DOK6: variants seen among roughly 807,000 people sequenced by gnomAD.
DOK6 encodes the protein downstream of tyrosine kinase 6.
In DOK6, 22 loss-of-function variants were observed where a neutral mutation model predicts 44.0. The observed-to-expected ratio is 0.50, with a 90% CI of 0.36 to 0.71. The LOEUF is 0.71. Among genes scored for constraint, DOK6 ranks in the 30% least tolerant of loss-of-function variants. The probability of loss-of-function intolerance (pLI) is 0.00; values close to 1 mark genes in which losing one functional copy is unlikely to be tolerated. For synonymous variants in DOK6, 166 were observed against 145.5 expected, an observed-to-expected ratio of 1.14 and a Z score of -1.01; for missense variants, 340 against 416.4, an observed-to-expected ratio of 0.82 and a Z score of 1.60.
At chr18:69,409,046 G>C (rs577795859) in intron 1 of DOK6, among the ~76,000 whole-genome samples, 4 of 152,000 alleles carry the variant, frequency 2.6e-5, no homozygotes, top group Admixed American at 1.3e-4. Flanking sequence ...GGAGGGACCC[G>C]GTGGGAGGTA....
At chr18:69,627,049 CCTGGGTAAATACTCTCACGCA>C (rs1984572409) in intron 3 of DOK6, among the ~76,000 whole-genome samples, 1 of 152,098 alleles carries the variant, frequency 6.6e-6, no homozygotes, top group Non-Finnish European at 1.5e-5. Flanking sequence ...GCCTTATAGA[CCTGGGTAAATACTCTCACGCA>C]GTGAGACGGG....
At chr18:69,688,799 C>A (rs1986206603) in intron 4 of DOK6, among the ~76,000 whole-genome samples, 1 of 152,072 alleles carries the variant, frequency 6.6e-6, no homozygotes, top group Non-Finnish European at 1.5e-5. Context: ...GGACAATACT[C>A]CTTTTCATAA....
At chr18:69,683,481 T>A (rs1232681697) in intron 4 of DOK6, among the ~76,000 whole-genome samples, 2 of 152,250 alleles carry the variant, frequency 1.3e-5, no homozygotes, top group African/African-American at 4.8e-5. Flanking sequence ...AATATGTCAC[T>A]GTAAAGTGGG....
At chr18:69,562,238 G>A (rs943761788) in intron 1 of DOK6, among the ~76,000 whole-genome samples, 36 of 152,008 alleles carry the variant, frequency 2.4e-4, no homozygotes, top group Non-Finnish European at 3.8e-4. Context: ...TAAAGGCAAG[G>A]TTCAGAAATT....
At chr18:69,583,235 A>G (rs1268579982) in intron 2 of DOK6, among the ~76,000 whole-genome samples, 1 of 152,098 alleles carries the variant, frequency 6.6e-6, no homozygotes, top group Non-Finnish European at 1.5e-5. Context: ...AACTTTTCCA[A>G]ATCTGATGGG....
chr18:69,789,009 A>G (rs1980514851), intron 7 of DOK6, among the ~76,000 whole-genome samples: 1 of 152,226 alleles, frequency 6.6e-6, no homozygotes, highest in African/African-American at 2.4e-5. Flanking sequence ...AAAACAGAAA[A>G]TTAGTGGGCA....
chr18:69,659,714 T>C (rs1359156476), intron 3 of DOK6: 1 of 151,798 alleles, frequency 6.6e-6, no homozygotes, highest in African/African-American at 2.4e-5. Context: ...GTGCCTGTAA[T>C]TATTTGCTGG....
intron 1 of DOK6, among the ~76,000 whole-genome samples, chr18:69,450,913 C>A (rs201259655): frequency 0.49 from 72,512 of 149,004 alleles, 18,452 homozygotes; most frequent in East Asian, 0.71. Context: ...GAAAGAAGCG[C>A]TAAACATGGA....
intron 3 of DOK6, among the ~76,000 whole-genome samples, chr18:69,669,126 A>C (rs907112929): frequency 6.6e-6 from 1 of 151,908 alleles, no homozygotes; most frequent in African/African-American, 2.4e-5. Flanking sequence ...TTTTCCCTTC[A>C]ACTTTTATTT....
At chr18:69,455,411 T>G (rs1029230435) in intron 1 of DOK6, among the ~76,000 whole-genome samples, 2 of 152,228 alleles carry the variant, frequency 1.3e-5, no homozygotes, top group South Asian at 4.1e-4. Context: ...ACGGAGAGTC[T>G]GTAAGTTTAT....
intron 1 of DOK6, among the ~76,000 whole-genome samples, chr18:69,542,056 G>C (rs934365181): frequency 9.9e-5 from 15 of 151,554 alleles, no homozygotes; most frequent in African/African-American, 3.4e-4. Flanking sequence ...AGATGGTGTG[G>C]ATGGCCTTGT....
chr18:69,469,907 C>G (rs1393972589), intron 1 of DOK6: 2 of 227,080 alleles, frequency 8.8e-6, no homozygotes, highest in African/African-American at 4.7e-5. Flanking sequence ...TTCTGGGTCG[C>G]TCGGGTGCTC....
rs1282115758 is a variant in DOK6 at position 69,647,030 on chromosome 18, C to CTGTCT, written c.290-30704_290-30703insTGTCT. On this transcript the variant is annotated intron_variant, in intron 3 of 7. Coordinates refer to ENST00000382713, the MANE Select transcript of DOK6 (RefSeq NM_152721.6). ...ATCTATCTACTCTATCTCATCTATC[C>CTGTCT]ATCTGTCTATCCTGTCTATCTGTCT... Among the ~76,000 whole-genome samples the CTGTCT allele has an allele frequency of 3.0e-5, 3 of 100,384 alleles. 1 individual carries two copies. 65.9% of individuals were successfully genotyped at this position (100,384 alleles called of 152,430 possible). A position where few individuals can be genotyped will look rare whatever the true frequency, so the allele number is the denominator to read the frequency against.
intron 1 of DOK6, among the ~76,000 whole-genome samples, chr18:69,522,911 A>G (rs1306764903): frequency 6.6e-6 from 1 of 152,098 alleles, no homozygotes; most frequent in African/African-American, 2.4e-5. Context: ...GGTAGGTTCT[A>G]GAGATCAAAG....
chr18:69,460,674 T>A (rs1260488320), intron 1 of DOK6, among the ~76,000 whole-genome samples: 1 of 152,230 alleles, frequency 6.6e-6, no homozygotes, highest in African/African-American at 2.4e-5. Context: ...TAAATTTATA[T>A]AATCAGTTAT....
chr18:69,548,737 T>C (rs1384349662), intron 1 of DOK6, among the ~76,000 whole-genome samples: 1 of 151,612 alleles, frequency 6.6e-6, no homozygotes, highest in African/African-American at 2.4e-5. Context: ...AATTTGATTT[T>C]ATTTATGACC....
At chr18:69,617,391 G>T (rs116212450) in intron 3 of DOK6, among the ~76,000 whole-genome samples, 2 of 149,418 alleles carry the variant, frequency 1.3e-5, no homozygotes, top group East Asian at 3.9e-4. Flanking sequence ...AAAAGAGAGA[G>T]AGAGAAAAGA....
chr18:69,419,677 C>T (rs1386568388), intron 1 of DOK6, among the ~76,000 whole-genome samples: 1 of 151,912 alleles, frequency 6.6e-6, no homozygotes, highest in Non-Finnish European at 1.5e-5. Flanking sequence ...AGGATATATG[C>T]TAATAAGAAA....
At chr18:69,590,843 A>G (rs1158677482) in intron 2 of DOK6, among the ~76,000 whole-genome samples, 1 of 152,170 alleles carries the variant, frequency 6.6e-6, no homozygotes, top group East Asian at 1.9e-4. Context: ...GAGAATGTTC[A>G]AGAAGTAGAA....
Sources: gnomAD v4.1 joint callset for allele counts (sites outside exome capture counted in the v4.1 genomes callset) on GRCh38, gnomAD v4.1.1 for gene constraint, MANE v1.5 for transcripts, NCBI Gene and HGNC (gene_info 2026-07-23, HGNC 2026-07-21) for gene names.